Variants in ZNF624 observed in about 807,000 individuals in gnomAD.
The protein encoded by ZNF624 is zinc finger protein 624.
A neutral mutation model predicts 74.7 loss-of-function variants in ZNF624; 43 were observed. The ratio of observed to expected loss-of-function variants is 0.58; its 90% CI spans 0.45 to 0.74. The LOEUF is 0.74. Among genes scored for constraint, ZNF624 ranks in the 30% least tolerant of loss-of-function variants. The pLI is 0.00. For synonymous variants in ZNF624, 331 were observed against 341.3 expected, an observed-to-expected ratio of 0.97 and a Z score of 0.33; for missense variants, 820 against 1,030.0, an observed-to-expected ratio of 0.80 and a Z score of 2.79.
At chr17:16,645,645 A>C (rs1325280537) in intron 3 of ZNF624, among the ~76,000 whole-genome samples, 3 of 151,560 alleles carry the variant, frequency 2.0e-5, no homozygotes, top group Non-Finnish European at 4.4e-5. Flanking sequence ...AAAAAAAAAA[A>C]AACAAAACAC....
At chr17:16,644,096 T>C (rs999023706) in intron 3 of ZNF624, among the ~76,000 whole-genome samples, 4 of 152,174 alleles carry the variant, frequency 2.6e-5, no homozygotes, top group Non-Finnish European at 5.9e-5. Context: ...CTATACACAC[T>C]GTCTCTCTTT....
chr17:16,642,312 C>T (rs1909485911), intron 3 of ZNF624, among the ~76,000 whole-genome samples: 1 of 152,142 alleles, frequency 6.6e-6, no homozygotes, highest in African/African-American at 2.4e-5. Flanking sequence ...ATGGTACTGA[C>T]ATTAGGATAG....
chr17:16,622,906 C>A lies in ZNF624; in HGVS notation c.1980G>T (p.Arg660Ser). 1 of 1,613,864 alleles carries A rather than the reference C, an allele frequency of 6.2e-7. No homozygotes were observed. Among genetic ancestry groups the A allele is most frequent in the Non-Finnish European group, 8.5e-7 (1 of 1,179,914 alleles). The change falls in exon 6 of 6, where the codon AGG becomes AGT. Residue 660 changes from arginine to serine, a missense_variant. By Grantham distance (110) the Arg-to-Ser change is moderately radical (BLOSUM62 -1). Coordinates refer to ENST00000311331, the MANE Select transcript of ZNF624 (RefSeq NM_020787.4). ...TATATGGTTTTTCTCCAGTATGGGTCCTCTGATGTACAATAAGGTATGATT... is the reference window on the plus strand; with the variant it reads ...TATATGGTTTTTCTCCAGTATGGGTACTCTGATGTACAATAAGGTATGATT... Reference protein sequence around the residue: ...RTKSYLIVHQRTHTGEKPYKC... With the variant: ...RTKSYLIVHQSTHTGEKPYKC...
At chr17:16,617,812 C>T (rs1908823431), downstream of ZNF624, 13 of 1,611,946 alleles carry the variant, frequency 8.1e-6, no homozygotes, top group Middle Eastern at 1.9e-4. Flanking sequence ...CGGCCATAGC[C>T]ACTGAAAAAG....
intron 5 of ZNF624, among the ~76,000 whole-genome samples, chr17:16,626,898 C>G (rs1384963570): frequency 2.0e-5 from 3 of 150,502 alleles, no homozygotes; most frequent in Non-Finnish European, 4.4e-5. Context: ...CTCAACTAAA[C>G]ACAAAAATTA....
rs749714016 is a variant in ZNF624, at chr17:16,623,134, A to G, written c.1752T>C (p.Tyr584=). 3.1e-6 allele frequency: 5 copies of G among 1,614,000 alleles called. No individual in the cohort carries two copies. The highest frequency in any genetic ancestry group is 1.3e-5 in the African/African-American group (1 of 75,034). The part of the protein sequence containing the change: ...HQRIHTEEKP[Y]LCNECGESFR... ...AAGACTCCCCACATTCATTGCACAG[A>G]TAAGGTTTCTCTTCAGTATGAATAC... Residue 584 remains tyrosine (Y), a synonymous_variant, in exon 6 of 6, where the codon TAT becomes TAC. Coordinates refer to ENST00000311331, the MANE Select transcript of ZNF624 (RefSeq NM_020787.4). The surrounding 1 kb of genome is among the most constrained non-coding windows in gnomAD (Gnocchi z 5.3).
intron 3 of ZNF624, among the ~76,000 whole-genome samples, chr17:16,640,888 AAGACCTCAGAAGAACACCAC>A (rs1249951747): frequency 1.3e-5 from 2 of 152,226 alleles, no homozygotes; most frequent in African/African-American, 4.8e-5. Flanking sequence ...AAACTAGACA[AAGACCTCAGAAGAACACCAC>A]AGACCAGCAT....
chr17:16,623,090 A>C lies in ZNF624; in HGVS notation c.1796T>G (p.Leu599Ter). 1 of 1,614,026 alleles carries C rather than the reference A, an allele frequency of 6.2e-7. No individual in the cohort carries two copies. Among genetic ancestry groups the C allele is most frequent in the South Asian group, 1.1e-5 (1 of 91,074 alleles). The change falls in exon 6 of 6, where the codon TTA (leucine) becomes TGA (stop). Residue 599 changes from leucine to a stop codon, truncating the protein, a stop_gained. Transcript: ENST00000311331. LOFTEE classifies it high-confidence loss of function. The surrounding 1 kb of genome is among the most constrained non-coding windows in gnomAD (Gnocchi z 5.3). ...AGTGTGAATTCTCTGATGTACAGTTAAGTGTGATTTTATTCTGAAAGACTC... is the reference window on the plus strand; with the variant it reads ...AGTGTGAATTCTCTGATGTACAGTTCAGTGTGATTTTATTCTGAAAGACTC... ...CGESFRIKSH[L>*]TVHQRIHTGE...
At chr17:16,650,022 C>T (rs1227813478) in intron 1 of ZNF624, among the ~76,000 whole-genome samples, 3 of 152,096 alleles carry the variant, frequency 2.0e-5, no homozygotes. Flanking sequence ...ATAATATTCC[C>T]ATTCCATAGA....
At chr17:16,651,402 C>T (rs1028835635) in intron 1 of ZNF624, among the ~76,000 whole-genome samples, 1 of 149,418 alleles carries the variant, frequency 6.7e-6, no homozygotes, top group Non-Finnish European at 1.5e-5. Flanking sequence ...TGCACTCCTG[C>T]CTGGGCGACA....
At chr17:16,628,573 T>C (rs1373026590) in intron 5 of ZNF624, among the ~76,000 whole-genome samples, 1 of 152,000 alleles carries the variant, frequency 6.6e-6, no homozygotes, top group Admixed American at 6.6e-5. Flanking sequence ...AAATGGAAGA[T>C]AGGTCAGTAC....
intron 1 of ZNF624, among the ~76,000 whole-genome samples, chr17:16,649,998 T>A (rs1909683349): frequency 6.6e-6 from 1 of 152,118 alleles, no homozygotes; most frequent in South Asian, 2.1e-4. Context: ...TATTTTCACA[T>A]CAACCTAGTA....
In ZNF624 at chr17:16,622,837, A is replaced by G; in HGVS notation, c.2049T>C (p.Leu683=). ...CEKAFTNTSQ[L]TVHQRRHTGE... Reference sequence around the variant, plus strand: ...CAGTATGCCTTCGTTGGTGCACGGTAAGCTGTGATGTATTAGTGAAGGCTT... The same window carrying G: ...CAGTATGCCTTCGTTGGTGCACGGTGAGCTGTGATGTATTAGTGAAGGCTT... Residue 683 remains leucine (L), a synonymous_variant, in exon 6 of 6, where the codon CTT becomes CTC. Coordinates refer to ENST00000311331, the MANE Select transcript of ZNF624 (RefSeq NM_020787.4). The G allele has an allele frequency of 4.3e-6, 7 of 1,613,916 alleles. No homozygotes were observed. The highest frequency in any genetic ancestry group is 5.9e-6 in the Non-Finnish European group (7 of 1,179,934).
downstream of ZNF624, chr17:16,616,957 G>A: frequency 1.3e-6 from 2 of 1,587,626 alleles, no homozygotes; most frequent in South Asian, 2.2e-5. Flanking sequence ...GGCCTTTCAG[G>A]GTGGACCAGG....
At chr17:16,631,588 T>C (rs1407619215) in intron 5 of ZNF624, 1 of 151,950 alleles carries the variant, frequency 6.6e-6, no homozygotes, top group Admixed American at 6.6e-5. Context: ...TTAGGTGTGG[T>C]GGTGTGTGCC....
At chr17:16,645,196 T>C (rs1418357188) in intron 3 of ZNF624, among the ~76,000 whole-genome samples, 1 of 152,080 alleles carries the variant, frequency 6.6e-6, no homozygotes, top group Non-Finnish European at 1.5e-5. Context: ...TCCCAGCACT[T>C]TGGGAGGCTG....
chr17:16,651,889 C>T (rs879493280), intron 1 of ZNF624, among the ~76,000 whole-genome samples: 1 of 152,020 alleles, frequency 6.6e-6, no homozygotes, highest in Non-Finnish European at 1.5e-5. Context: ...TGAACAAGTA[C>T]ACCTTAAGAA....
At chr17:16,629,742 T>G (rs1909161767) in intron 5 of ZNF624, among the ~76,000 whole-genome samples, 1 of 152,090 alleles carries the variant, frequency 6.6e-6, no homozygotes, top group African/African-American at 2.4e-5. Flanking sequence ...AAAATTTGTA[T>G]TTTTAGTAGA....
intron 3 of ZNF624, 130 bp from the exon 4 acceptor site, chr17:16,634,886 A>T: frequency 1.3e-6 from 1 of 755,856 alleles, no homozygotes; most frequent in Non-Finnish European, 2.1e-6. Flanking sequence ...CAACCAGTTC[A>T]TCCTTTATAG....
Sources: gnomAD v4.1 joint callset for allele counts (sites outside exome capture counted in the v4.1 genomes callset) on GRCh38, gnomAD v4.1.1 for gene constraint, Gnocchi (gnomAD v3.1) non-coding constraint, MANE v1.5 for transcripts, NCBI Gene and HGNC (gene_info 2026-07-23, HGNC 2026-07-21) for gene names.